Variants in PTPRD observed in about 807,000 individuals in gnomAD.
PTPRD encodes protein tyrosine phosphatase receptor type D, also known as receptor-type tyrosine-protein phosphatase delta.
PTPRD carries 34 observed loss-of-function variants against 214.5 expected under a neutral mutation model. The ratio of observed to expected loss-of-function variants is 0.16; its 90% CI spans 0.12 to 0.21. The LOEUF is 0.21. Among genes scored for constraint, PTPRD ranks in the 10% least tolerant of loss-of-function variants. PTPRD has a pLI of 1.00. For missense variants in PTPRD, 2,545 were observed against 2,398.7 expected (o/e 1.06, Z -1.27); for synonymous variants, 1,128 against 845.7 (o/e 1.33, Z -5.79).
chr9:8,999,049 A>G (rs551480586), intron 11 of PTPRD, among the ~76,000 whole-genome samples: 2 of 152,202 alleles, frequency 1.3e-5, no homozygotes, highest in South Asian at 2.1e-4. Flanking sequence ...AAATGATTGC[A>G]TGAGACGGAA....
chr9:8,318,409 C>G (rs1376755174), intron 45 of PTPRD, among the ~76,000 whole-genome samples: 1 of 152,076 alleles, frequency 6.6e-6, no homozygotes, highest in Non-Finnish European at 1.5e-5. Flanking sequence ...ATTTACTTAT[C>G]TTCTGAACTA....
At chr9:9,622,150 A>T (rs113344512) in intron 7 of PTPRD, among the ~76,000 whole-genome samples, 1 of 152,246 alleles carries the variant, frequency 6.6e-6, no homozygotes, top group African/African-American at 2.4e-5. Context: ...GGCAATAAAA[A>T]GGCACTAATG....
At chr9:9,610,506 A>T (rs1040064432) in intron 7 of PTPRD, among the ~76,000 whole-genome samples, 16 of 152,216 alleles carry the variant, frequency 1.1e-4, no homozygotes, top group Non-Finnish European at 1.5e-4. Flanking sequence ...ATTGCAATTA[A>T]TTATATTTTC....
At chr9:8,337,771 C>A (rs1031972941) in intron 43 of PTPRD, among the ~76,000 whole-genome samples, 7 of 151,910 alleles carry the variant, frequency 4.6e-5, no homozygotes, top group African/African-American at 1.2e-4. Context: ...ATTGGTGGGG[C>A]CTGGTGCCTT....
intron 5 of PTPRD, among the ~76,000 whole-genome samples, chr9:9,808,731 C>G (rs1290832814): frequency 6.6e-6 from 1 of 152,054 alleles, no homozygotes; most frequent in East Asian, 1.9e-4. Context: ...TGCCTAGAGA[C>G]CCAACTTTCA....
intron 7 of PTPRD, among the ~76,000 whole-genome samples, chr9:9,729,245 G>A (rs973241656): frequency 1.3e-5 from 2 of 152,082 alleles, no homozygotes; most frequent in African/African-American, 4.8e-5. Context: ...TATCTTCACT[G>A]CAGCTGTCCT....
intron 11 of PTPRD, among the ~76,000 whole-genome samples, chr9:8,763,448 A>G (rs997399987): frequency 1.3e-5 from 2 of 151,998 alleles, no homozygotes; most frequent in Admixed American, 6.6e-5. Flanking sequence ...CAGGAGGAGG[A>G]GGTTGCAGTA....
intron 2 of PTPRD, among the ~76,000 whole-genome samples, chr9:10,476,630 A>T (rs2099064283): frequency 6.6e-6 from 1 of 152,164 alleles, no homozygotes; most frequent in Non-Finnish European, 1.5e-5. Flanking sequence ...CAGAGCTAGG[A>T]AAAACTAATT....
intron 14 of PTPRD, among the ~76,000 whole-genome samples, chr9:8,552,625 C>T (rs1254894740): frequency 6.6e-6 from 1 of 152,148 alleles, no homozygotes; most frequent in African/African-American, 2.4e-5. Context: ...AGGTAGGCAG[C>T]ATAATGGCTG....
intron 44 of PTPRD, 145 bp from the exon 45 acceptor site, chr9:8,320,111 C>G (rs1825862408): frequency 1.0e-6 from 1 of 979,638 alleles, no homozygotes; most frequent in Non-Finnish European, 1.4e-6. Flanking sequence ...TCACATTCAT[C>G]AAATGATTAC....
chr9:9,921,802 G>C (rs1459437284), intron 5 of PTPRD, among the ~76,000 whole-genome samples: 1 of 151,308 alleles, frequency 6.6e-6, no homozygotes, highest in African/African-American at 2.4e-5. Flanking sequence ...GTAATTGAGA[G>C]CAGCTGATAT....
rs140957635 is a variant in PTPRD at position 10,359,093 on chromosome 9, C to G, written c.-599-18076G>C. On this transcript the variant is annotated intron_variant, in intron 2 of 45. Coordinates refer to ENST00000381196, the MANE Select transcript of PTPRD (RefSeq NM_002839.4). ...ACAATGTGGAACAACGGTACCAATG[C>G]AAAAGGATTTTTTTCAAAAATTTGG... is the stretch of plus-strand genomic sequence containing the variant. Among the ~76,000 whole-genome samples, 323 of 151,902 alleles carry G rather than the reference C, an allele frequency of 2.1e-3. 2 individuals are homozygous for G. The highest frequency in any genetic ancestry group is 6.7e-3 in the African/African-American group (279 of 41,474).
chr9:9,754,059 G>T (rs1037428423), intron 6 of PTPRD, among the ~76,000 whole-genome samples: 1 of 152,040 alleles, frequency 6.6e-6, no homozygotes, highest in East Asian at 1.9e-4. Flanking sequence ...CTGAGGAAAA[G>T]AACTACTTAT....
rs2096999331 is a variant in PTPRD, at chr9:8,486,093, C to T, written c.2724G>A (p.Val908=). The T allele has an allele frequency of 6.2e-7, 1 of 1,614,204 alleles. No individual in the cohort carries two copies. The highest frequency in any genetic ancestry group is 8.5e-7 in the Non-Finnish European group (1 of 1,180,028). Residue 908 remains valine, a synonymous_variant, in exon 28 of 46, where the codon GTG becomes GTA. Coordinates refer to ENST00000381196, the MANE Select transcript of PTPRD (RefSeq NM_002839.4). ...RNKVGFGEEM[V]KEISIPEEVP... ...CTTCTTCTGGAATGGAAATCTCCTT[C>T]ACCATCTCCTCCCCAAAGCCCACTT...
chr9:10,430,007 T>A (rs1380786410), intron 2 of PTPRD, among the ~76,000 whole-genome samples: 1 of 151,968 alleles, frequency 6.6e-6, no homozygotes, highest in Admixed American at 6.6e-5. Flanking sequence ...GTGTTACCAC[T>A]AATTCCTATA....
chr9:8,335,034 A>C (rs1350733943), intron 43 of PTPRD, among the ~76,000 whole-genome samples: 1 of 152,142 alleles, frequency 6.6e-6, no homozygotes, highest in African/African-American at 2.4e-5. Flanking sequence ...CTAGCAACCA[A>C]AAAAGTCCAG....
intron 7 of PTPRD, among the ~76,000 whole-genome samples, chr9:9,679,232 CTT>C (rs559691595): frequency 2.5e-4 from 38 of 151,590 alleles, no homozygotes; most frequent in Admixed American, 1.1e-3. Context: ...CTCTCTCTCT[CTT>C]TCTCTCTCCC....
chr9:9,353,172 T>C (rs1205069382), intron 9 of PTPRD, among the ~76,000 whole-genome samples: 1 of 151,950 alleles, frequency 6.6e-6, no homozygotes, highest in Non-Finnish European at 1.5e-5. Context: ...CTATTTCATG[T>C]TGATATATTT....
chr9:10,521,605 GACAA>G (rs1370620152), intron 2 of PTPRD, among the ~76,000 whole-genome samples: 1 of 152,082 alleles, frequency 6.6e-6, no homozygotes, highest in Non-Finnish European at 1.5e-5. Context: ...GAAAATCTGA[GACAA>G]TCAATGCAAC....
Sources: gnomAD v4.1 joint callset for allele counts (sites outside exome capture counted in the v4.1 genomes callset) on GRCh38, gnomAD v4.1.1 for gene constraint, MANE v1.5 for transcripts, NCBI Gene and HGNC (gene_info 2026-07-23, HGNC 2026-07-21) for gene names.